RGSL1: variants seen among roughly 807,000 people sequenced by gnomAD.
RGSL1 encodes regulator of G protein signaling like 1, also known as regulator of G protein signaling protein-like.
Under a neutral mutation model 124.7 loss-of-function variants are expected in RGSL1, and 97 were observed. That is an observed-to-expected ratio of 0.78 (90% CI 0.66 to 0.92). The LOEUF is 0.92. RGSL1 is among the 40% of genes least tolerant of loss of function. RGSL1 has a pLI of 0.00. For missense variants in RGSL1, 1,233 were observed against 1,288.4 expected, an observed-to-expected ratio of 0.96 and a Z score of 0.66; for synonymous variants, 424 against 438.1, an observed-to-expected ratio of 0.97 and a Z score of 0.40.
chr1:182,513,373 A>T (rs1402648831), intron 9 of RGSL1, among the ~76,000 whole-genome samples: 1 of 152,210 alleles, frequency 6.6e-6, no homozygotes, highest in Non-Finnish European at 1.5e-5. Flanking sequence ...AGAGAGAAAA[A>T]AAAGATTTAT....
At chr1:182,545,796 T>C (rs1660175323) in intron 15 of RGSL1, among the ~76,000 whole-genome samples, 1 of 152,180 alleles carries the variant, frequency 6.6e-6, no homozygotes, top group Non-Finnish European at 1.5e-5. Context: ...GCCAGGTGAA[T>C]TGGAGCTTCT....
chr1:182,500,573 A>G (rs2102144720), intron 9 of RGSL1, among the ~76,000 whole-genome samples: 1 of 152,248 alleles, frequency 6.6e-6, no homozygotes, highest in Admixed American at 6.5e-5. Context: ...TTGAGATTGT[A>G]CTGAATCTAT....
At chr1:182,513,689 A>T (rs543733265) in intron 9 of RGSL1, among the ~76,000 whole-genome samples, 1 of 152,218 alleles carries the variant, frequency 6.6e-6, no homozygotes, top group African/African-American at 2.4e-5. Context: ...GACCAAGGCA[A>T]CCACTTTCAG....
intron 9 of RGSL1, among the ~76,000 whole-genome samples, chr1:182,515,786 G>A (rs977233546): frequency 6.6e-6 from 1 of 152,168 alleles, no homozygotes; most frequent in East Asian, 1.9e-4. Flanking sequence ...CAGCTCGTAC[G>A]TGCTGCAGAC....
chr1:182,553,689 GT>G lies in RGSL1; in HGVS notation c.3130+149del, dbSNP rs1389969704. 1.0e-5 allele frequency: 7 copies of G among 678,864 alleles called. 1 individual carries two copies. The highest frequency in any genetic ancestry group is 7.7e-5 in the South Asian group (4 of 51,804). 42.1% of individuals were successfully genotyped at this position (678,864 alleles called of 1,614,324 possible). On this transcript the variant is annotated intron_variant, in intron 19 of 21. Transcript: ENST00000294854. ...TTGCTGAAGATCACATAGCTTGTGA[GT>G]GGCAGAGAGGAGGTGAAAATTTAGT...
chr1:182,483,208 T>A, intron 6 of RGSL1, among the ~76,000 whole-genome samples: 1 of 152,140 alleles, frequency 6.6e-6, no homozygotes, highest in East Asian at 1.9e-4. Flanking sequence ...CTATATTGTA[T>A]ACTTAAAATT....
intron 20 of RGSL1, 26 bp downstream of exon 20, chr1:182,554,719 C>CT: frequency 6.5e-7 from 1 of 1,550,138 alleles, no homozygotes; most frequent in South Asian, 1.2e-5. Context: ...AAATCCTCTT[C>CT]TTCAGTCCAG....
At chr1:182,520,350 T>C (rs687270) in intron 9 of RGSL1, among the ~76,000 whole-genome samples, 20,627 of 152,128 alleles carry the variant, frequency 0.14, 1,723 homozygotes, top group East Asian at 0.38. Context: ...CCCCCTTCTG[T>C]CCTGAGAATC....
At position 182,551,208 on chromosome 1, in the gene RGSL1, A is replaced by G. The variant is rs1660542170; in HGVS notation, c.3042A>G (p.Gly1014=). The part of the protein sequence containing the change: ...KSTDKYPFSS[G]GDNAILRFTL... The stretch of plus-strand genomic sequence containing the variant: ...CGGACAAGTATCCTTTCTCGAGTGG[A>G]GGTAAGCTCCACCACGACTCACAGC... Residue 1014 remains glycine, a splice_region_variant and synonymous_variant, in exon 18 of 22, where the codon GGA becomes GGG. Transcript: ENST00000294854. 6.5e-7 allele frequency: 1 copy of G among 1,548,068 alleles called. No homozygotes were observed. Among genetic ancestry groups the G allele is most frequent in the Non-Finnish European group, 8.7e-7 (1 of 1,144,126 alleles).
intron 6 of RGSL1, among the ~76,000 whole-genome samples, chr1:182,486,122 C>T (rs1250621917): frequency 1.3e-5 from 2 of 152,120 alleles, no homozygotes; most frequent in Non-Finnish European, 2.9e-5. Flanking sequence ...AAAGAAAATC[C>T]TAATACATTC....
chr1:182,472,584 G>A (rs1410306578), intron 5 of RGSL1, 27 bp downstream of exon 5: 72 of 1,489,960 alleles, frequency 4.8e-5, no homozygotes, highest in Non-Finnish European at 5.9e-5. Context: ...ATCTTTTTGG[G>A]GGGATGCAAC....
chr1:182,530,745 G>T (rs1659113588), intron 12 of RGSL1, 45 bp from the exon 13 acceptor site: 1 of 1,478,914 alleles, frequency 6.8e-7, no homozygotes, highest in African/African-American at 1.4e-5. Context: ...TCTTTTATGT[G>T]CCAGGTTTTT....
At chr1:182,471,476 G>A (rs1653836149) in intron 4 of RGSL1, 1 of 408,738 alleles carries the variant, frequency 2.4e-6, no homozygotes, top group South Asian at 1.8e-5. Context: ...ATGTGTGTCT[G>A]TGTTGAATAT....
At chr1:182,475,304 C>T (rs1654203309) in intron 6 of RGSL1, among the ~76,000 whole-genome samples, 1 of 152,152 alleles carries the variant, frequency 6.6e-6, no homozygotes, top group Non-Finnish European at 1.5e-5. Context: ...CAAGAGAATA[C>T]TCTGAAGACT....
chr1:182,537,963 A>C (rs1411600771), intron 14 of RGSL1, among the ~76,000 whole-genome samples: 1 of 152,088 alleles, frequency 6.6e-6, no homozygotes, highest in Admixed American at 6.6e-5. Context: ...TCTCAGGTCC[A>C]TCTCCTTAAT....
At chr1:182,501,890 T>C (rs1482672771) in intron 9 of RGSL1, among the ~76,000 whole-genome samples, 1 of 152,216 alleles carries the variant, frequency 6.6e-6, no homozygotes, top group Non-Finnish European at 1.5e-5. Context: ...AGCTTTTCTT[T>C]GTTGGGTGGT....
chr1:182,520,592 A>AT (rs1224571793), intron 9 of RGSL1, among the ~76,000 whole-genome samples: 8 of 151,682 alleles, frequency 5.3e-5, no homozygotes, highest in Admixed American at 2.0e-4. Context: ...CTATATATTG[A>AT]TTTTGTCTTA....
chr1:182,457,344 A>C (rs761713127), intron 2 of RGSL1, among the ~76,000 whole-genome samples: 4 of 152,102 alleles, frequency 2.6e-5, no homozygotes, highest in Non-Finnish European at 5.9e-5. Context: ...TCATAACTTC[A>C]CAGTCCTACT....
chr1:182,519,147 T>C (rs1190010056), intron 9 of RGSL1, among the ~76,000 whole-genome samples: 1 of 152,170 alleles, frequency 6.6e-6, no homozygotes, highest in Non-Finnish European at 1.5e-5. Context: ...TCCTACTGCA[T>C]ATGTATTATT....
Sources: allele counts gnomAD v4.1 joint callset (sites outside exome capture counted in the v4.1 genomes callset), GRCh38; gene constraint gnomAD v4.1.1; transcripts MANE v1.5; gene names NCBI Gene and HGNC (gene_info 2026-07-23, HGNC 2026-07-21).